Variants in CCDC91 observed in about 807,000 individuals in gnomAD.
CCDC91 encodes the protein coiled-coil domain-containing protein 91.
CCDC91 carries 48 observed loss-of-function variants against 63.2 expected under a neutral mutation model. That is an observed-to-expected ratio of 0.76 (90% CI 0.60 to 0.97). The LOEUF (loss-of-function observed/expected upper bound fraction) is 0.97. Among genes scored for constraint, CCDC91 ranks in the 50% least tolerant of loss-of-function variants. The pLI is 0.00. For synonymous variants in CCDC91, 167 were observed against 165.8 expected, an observed-to-expected ratio of 1.01 and a Z score of -0.06; for missense variants, 500 against 494.6, an observed-to-expected ratio of 1.01 and a Z score of -0.10.
At chr12:28,343,850 T>TG (rs1426347585) in intron 6 of CCDC91, among the ~76,000 whole-genome samples, 3 of 152,168 alleles carry the variant, frequency 2.0e-5, no homozygotes, top group Admixed American at 6.5e-5. Context: ...CTCTGTTTTT[T>TG]GACAGACACT....
intron 7 of CCDC91, among the ~76,000 whole-genome samples, chr12:28,381,285 T>G (rs1321541442): frequency 6.6e-6 from 1 of 152,048 alleles, no homozygotes; most frequent in Non-Finnish European, 1.5e-5. Flanking sequence ...ATCCCTACCT[T>G]CTAGGTAATC....
At chr12:28,478,704 A>G (rs952206204) in intron 11 of CCDC91, among the ~76,000 whole-genome samples, 8 of 152,212 alleles carry the variant, frequency 5.3e-5, no homozygotes, top group Non-Finnish European at 1.2e-4. Flanking sequence ...AATTTTTGCA[A>G]TCTATTCATC....
chr12:28,490,093 G>A (rs1225464254), intron 12 of CCDC91, among the ~76,000 whole-genome samples: 2 of 151,780 alleles, frequency 1.3e-5, no homozygotes, highest in African/African-American at 4.8e-5. Context: ...TAGTTACATT[G>A]TATGGTATTT....
intron 7 of CCDC91, among the ~76,000 whole-genome samples, chr12:28,371,560 G>T (rs752182222): frequency 5.6e-4 from 86 of 152,254 alleles, no homozygotes; most frequent in Admixed American, 9.8e-4. Flanking sequence ...TGTACAAATA[G>T]AATTATATGC....
rs867416851 is a variant in CCDC91, at chr12:28,405,598, C to T, written c.762+14187C>T. 2.4e-4 allele frequency among the ~76,000 whole-genome samples: 37 copies of T among 152,228 alleles called. 1 individual carries two copies. The highest frequency in any genetic ancestry group is 8.7e-4 in the African/African-American group (36 of 41,554). ...TTATTCTGGTGAACACAAGATGATA[C>T]ATAAATTAGCCTCAGCTTAAAGGTA... On this transcript the variant is annotated intron_variant, in intron 8 of 12. Transcript: ENST00000536442.
chr12:28,415,874 A>G (rs1176788406), intron 8 of CCDC91, among the ~76,000 whole-genome samples: 2 of 152,154 alleles, frequency 1.3e-5, no homozygotes, highest in Non-Finnish European at 2.9e-5. Context: ...TATTTTGCAA[A>G]TTAAGTCTGG....
chr12:28,391,476 T>C, intron 8 of CCDC91, 65 bp downstream of exon 8: 1 of 931,330 alleles, frequency 1.1e-6, no homozygotes, highest in Non-Finnish European at 1.7e-6. Flanking sequence ...CTGAGAGCTC[T>C]ATAACTGTTT....
rs115786919 is a variant in CCDC91 at position 28,383,335 on chromosome 12, A to G, written c.655-7969A>G. Among the ~76,000 whole-genome samples, 1,402 of 152,284 alleles carry G rather than the reference A, an allele frequency of 9.2e-3. 27 individuals are homozygous for G. Among genetic ancestry groups the G allele is most frequent in the African/African-American group, 0.032 (1,333 of 41,554 alleles). On this transcript the variant is annotated intron_variant, in intron 7 of 12. Transcript: ENST00000536442. ...CACAGAAAAATCTGAGATTCATTGC[A>G]ATTCCAAATGCTTCAGATCTGTAAC...
chr12:28,303,394 C>T (rs949202728), intron 3 of CCDC91, among the ~76,000 whole-genome samples: 4 of 151,964 alleles, frequency 2.6e-5, no homozygotes, highest in Non-Finnish European at 4.4e-5. Context: ...TTCTTTCTTA[C>T]TCGCTCCCAC....
intron 7 of CCDC91, among the ~76,000 whole-genome samples, chr12:28,366,244 T>G (rs1944263903): frequency 6.6e-6 from 1 of 152,168 alleles, no homozygotes; most frequent in South Asian, 2.1e-4. Context: ...CTAGGAACCA[T>G]GACACCCAAG....
chr12:28,452,330 G>T, intron 10 of CCDC91, 148 bp from the exon 11 acceptor site: 1 of 429,054 alleles, frequency 2.3e-6, no homozygotes, highest in East Asian at 3.7e-5. Context: ...TTATTTTGTA[G>T]CAGTTATTTA....
intron 1 of CCDC91, 80 bp from the exon 2 acceptor site, chr12:28,257,122 G>A: frequency 1.2e-6 from 1 of 812,860 alleles, no homozygotes; most frequent in Non-Finnish European, 2.1e-6. Context: ...AAATAAATAT[G>A]TATACATTTA....
chr12:28,343,651 A>G lies in CCDC91; in HGVS notation c.577-18787A>G, dbSNP rs547218720. 8.5e-5 allele frequency among the ~76,000 whole-genome samples: 13 copies of G among 152,218 alleles called. No homozygotes were observed. In the East Asian group the frequency reaches 2.5e-3, roughly 29 times the overall value. ...GAGGGGAGAGGAATGTTCCTTTTTC[A>G]TCTTTATGGTCTTTTCTGGTTCTAT... On this transcript the variant is annotated intron_variant, in intron 6 of 12. Coordinates refer to ENST00000536442, the MANE Select transcript of CCDC91 (RefSeq NM_018318.5).
chr12:28,306,001 A>G (rs1773104760), intron 4 of CCDC91, among the ~76,000 whole-genome samples, 195 bp downstream of exon 4: 1 of 152,132 alleles, frequency 6.6e-6, no homozygotes, highest in African/African-American at 2.4e-5. Context: ...GCACAATTGC[A>G]AAGTATTTAA....
At chr12:28,226,221 G>T (rs781029407) in intron 1 of CCDC91, 1 of 152,188 alleles carries the variant, frequency 6.6e-6, no homozygotes, top group African/African-American at 2.4e-5. Context: ...GCGATTAAAT[G>T]GTTGTGACTG....
intron 3 of CCDC91, among the ~76,000 whole-genome samples, chr12:28,294,461 C>T (rs1246420101): frequency 6.6e-6 from 1 of 152,140 alleles, no homozygotes. Context: ...CCTTCCCCTT[C>T]TCTGGCTCTC....
chr12:28,457,328 T>C (rs2140411029), intron 11 of CCDC91, among the ~76,000 whole-genome samples: 1 of 151,986 alleles, frequency 6.6e-6, no homozygotes, highest in Non-Finnish European at 1.5e-5. Context: ...TTTTAAAAGC[T>C]TGGAAGCCGT....
At chr12:28,287,967 G>A (rs1358534393) in intron 3 of CCDC91, among the ~76,000 whole-genome samples, 1 of 152,102 alleles carries the variant, frequency 6.6e-6, no homozygotes, top group East Asian at 1.9e-4. Flanking sequence ...TGTGGCAATT[G>A]TGAATGAGAT....
intron 7 of CCDC91, among the ~76,000 whole-genome samples, chr12:28,363,651 A>G (rs542354571): frequency 6.6e-6 from 1 of 152,210 alleles, no homozygotes; most frequent in South Asian, 2.1e-4. Flanking sequence ...CGGGAGGCCG[A>G]GGCAGGTGGA....
Sources: allele counts gnomAD v4.1 joint callset (sites outside exome capture counted in the v4.1 genomes callset), GRCh38; gene constraint gnomAD v4.1.1; transcripts MANE v1.5; gene names NCBI Gene and HGNC (gene_info 2026-07-23, HGNC 2026-07-21).